Variants in ABCC5 observed in about 807,000 individuals in gnomAD.
ABCC5 encodes the protein ATP-binding cassette sub-family C member 5.
A neutral mutation model predicts 160.9 loss-of-function variants in ABCC5; 61 were observed. The observed-to-expected ratio is 0.38, with a 90% CI of 0.31 to 0.47. The LOEUF is 0.47. Ranked by LOEUF, ABCC5 falls within the 20% of genes least tolerant of loss-of-function variation. The pLI is 0.99. For missense variants in ABCC5, 1,308 were observed against 1,813.3 expected, an observed-to-expected ratio of 0.72 and a Z score of 5.06; for synonymous variants, 666 against 700.6, an observed-to-expected ratio of 0.95 and a Z score of 0.78.
intron 2 of ABCC5, among the ~76,000 whole-genome samples, chr3:183,997,175 T>C (rs1369094496): frequency 6.6e-6 from 1 of 152,142 alleles, no homozygotes; most frequent in Non-Finnish European, 1.5e-5. Context: ...TTTTTTCTTA[T>C]GGCCTTAAAG....
In ABCC5 at chr3:183,971,681, T is replaced by G. The variant is rs1189000879; in HGVS notation, c.1643A>C (p.His548Pro). Reference protein sequence around the residue: ...HQAVLAEQKGHLLLDSDERPS... With the variant: ...HQAVLAEQKGPLLLDSDERPS... ...CCGCTCGTCACTGTCCAGGAGGAGGTGGCCTTTCTGCTCTGCCAGCACCGC... is the reference window on the plus strand; with the variant it reads ...CCGCTCGTCACTGTCCAGGAGGAGGGGGCCTTTCTGCTCTGCCAGCACCGC... The change falls in exon 11 of 30, where the codon CAC (histidine) becomes CCC (proline). Residue 548 changes from histidine (H) to proline (P), a missense_variant. This residue lies in a region of ABCC5 where 1,142 missense variants were observed against 1,527.1 expected (regional missense o/e 0.75). Coordinates refer to ENST00000334444, the MANE Select transcript of ABCC5 (RefSeq NM_005688.4). 1 of 1,614,066 alleles carries G rather than the reference T, an allele frequency of 6.2e-7. No homozygotes were observed. The highest frequency in any genetic ancestry group is 8.5e-7 in the Non-Finnish European group (1 of 1,179,998).
chr3:183,950,194 A>T, intron 20 of ABCC5, 69 bp from the exon 21 acceptor site: 1 of 1,502,346 alleles, frequency 6.7e-7, no homozygotes, highest in East Asian at 2.3e-5. Flanking sequence ...TGAAAAAAAC[A>T]AAAAGGGGTT....
At chr3:183,978,271 G>C (rs1426192477) in intron 9 of ABCC5, among the ~76,000 whole-genome samples, 2 of 152,074 alleles carry the variant, frequency 1.3e-5, no homozygotes, top group African/African-American at 4.8e-5. Context: ...GGAACCTCCA[G>C]GTCCAGTAAG....
At chr3:183,969,655 G>A (rs961895469) in intron 11 of ABCC5, among the ~76,000 whole-genome samples, 3 of 144,602 alleles carry the variant, frequency 2.1e-5, no homozygotes, top group Non-Finnish European at 3.0e-5. Context: ...TCGTGCTACT[G>A]CACTCTAGCC....
intron 26 of ABCC5, among the ~76,000 whole-genome samples, chr3:183,930,083 A>G (rs1386823754): frequency 6.6e-6 from 1 of 152,252 alleles, no homozygotes; most frequent in Non-Finnish European, 1.5e-5. Context: ...TAATCTGAAA[A>G]GTATATTTGC....
At position 183,969,082 on chromosome 3, in the gene ABCC5, A is replaced by AGTC. The variant is rs1406798355; in HGVS notation, c.1762-1317_1762-1316insGAC. ...TTTACATGAGAAAAATGCTATTCTT[A>AGTC]TGATTAAATGATGACTAAATGAGAC... On this transcript the variant is annotated intron_variant, in intron 11 of 29. Coordinates refer to ENST00000334444, the MANE Select transcript of ABCC5 (RefSeq NM_005688.4). Among the ~76,000 whole-genome samples, 5 of 152,336 alleles carry AGTC rather than the reference A, an allele frequency of 3.3e-5. No individual in the cohort carries two copies. The South Asian group carries it at 8.3e-4, about 25-fold the overall frequency.
intron 28 of ABCC5, among the ~76,000 whole-genome samples, chr3:183,926,028 C>T (rs1168178449): frequency 1.8e-4 from 27 of 149,614 alleles, no homozygotes; most frequent in Non-Finnish European, 3.4e-4. Context: ...TTAGTAGAGA[C>T]GGGGTTTCAC....
chr3:183,959,843 T>C lies in ABCC5; in HGVS notation c.2380-8A>G, dbSNP rs767308861. ...TTCCTTTTTTGAATTGATCTAATAATATTTAAAAAAAAAAGTCTCCAGTCA... is the reference window on the plus strand; with the variant it reads ...TTCCTTTTTTGAATTGATCTAATAACATTTAAAAAAAAAAGTCTCCAGTCA... On this transcript the variant is annotated splice_region_variant and splice_polypyrimidine_tract_variant and intron_variant, in intron 16 of 29. Transcript: ENST00000334444. 5.1e-6 allele frequency: 8 copies of C among 1,576,500 alleles called. No homozygotes were observed. Among genetic ancestry groups the C allele is most frequent in the Admixed American group, 1.8e-5 (1 of 54,934 alleles).
At position 183,987,752 on chromosome 3, in the gene ABCC5, A is replaced by G. The variant is rs898389708; in HGVS notation, c.591+18T>C. ...GCCGGGCCCCTGGAGACTGTCGGAA[A>G]GGATGGTTAGAACTTACTGGTCCAC... On this transcript the variant is annotated intron_variant, in intron 5 of 29. Transcript: ENST00000334444. This position sits in a 1 kb window ranked among gnomAD's most constrained non-coding sequence, Gnocchi z 4.2. 8 of 1,614,182 alleles carry G rather than the reference A, an allele frequency of 5.0e-6. No homozygotes were observed. Among genetic ancestry groups the G allele is most frequent in the Admixed American group, 1.7e-5 (1 of 60,026 alleles).
At chr3:184,007,998 A>T (rs1721377507) in intron 2 of ABCC5, among the ~76,000 whole-genome samples, 1 of 152,160 alleles carries the variant, frequency 6.6e-6, no homozygotes, top group South Asian at 2.1e-4. Context: ...TCCAAATTCT[A>T]TCCATTCCTC....
intron 29 of ABCC5, among the ~76,000 whole-genome samples, chr3:183,925,226 A>G (rs1712418939): frequency 6.6e-6 from 1 of 152,246 alleles, no homozygotes; most frequent in Admixed American, 6.5e-5. Flanking sequence ...AATCACAAGT[A>G]TCTATACTCT....
At chr3:183,925,851 T>C (rs1023346308) in intron 28 of ABCC5, 132 bp from the exon 29 acceptor site, 3 of 1,073,864 alleles carry the variant, frequency 2.8e-6, no homozygotes, top group Non-Finnish European at 3.8e-6. Flanking sequence ...TTTTTTTTTT[T>C]TTTTTGAGAC....
intron 11 of ABCC5, among the ~76,000 whole-genome samples, chr3:183,968,906 G>A (rs1184454834): frequency 2.0e-5 from 3 of 152,214 alleles, no homozygotes; most frequent in African/African-American, 7.2e-5. Context: ...TGAGCACCTT[G>A]AGGAAAGGCA....
At chr3:183,927,470 AG>A in intron 27 of ABCC5, 27 bp from the exon 28 acceptor site, 1 of 1,594,844 alleles carries the variant, frequency 6.3e-7, no homozygotes, top group South Asian at 1.1e-5. Context: ...TAGAGATCAG[AG>A]GGGTAAGAAA....
intron 18 of ABCC5, 117 bp from the exon 19 acceptor site, chr3:183,952,120 A>C: frequency 1.1e-6 from 1 of 899,330 alleles, no homozygotes. Flanking sequence ...CCACCCTGGG[A>C]CCTGGTCATG....
chr3:183,962,736 G>A (rs1027216989), intron 15 of ABCC5, among the ~76,000 whole-genome samples: 2 of 151,782 alleles, frequency 1.3e-5, no homozygotes, highest in Non-Finnish European at 2.9e-5. Context: ...TTCACCAGTT[G>A]GTCTCGAACT....
rs1053252714 is a variant in ABCC5 at position 183,921,603 on chromosome 3, G to A, written c.4213-202C>T. On this transcript the variant is annotated intron_variant, in intron 29 of 29. Coordinates refer to ENST00000334444, the MANE Select transcript of ABCC5 (RefSeq NM_005688.4). The surrounding 1 kb of genome is among the most constrained non-coding windows in gnomAD (Gnocchi z 4.1). ...GAAAGGACAGAGAAAATGACTTCCAGCATTTTTGTAGTATGTGGTTTTGCC... is the reference window on the plus strand; with the variant it reads ...GAAAGGACAGAGAAAATGACTTCCAACATTTTTGTAGTATGTGGTTTTGCC... 1.3e-5 allele frequency among the ~76,000 whole-genome samples: 2 copies of A among 151,164 alleles called. No individual in the cohort carries two copies. Among genetic ancestry groups the A allele is most frequent in the African/African-American group, 4.9e-5 (2 of 41,066 alleles).
At chr3:184,005,394 T>C (rs1721097608) in intron 2 of ABCC5, among the ~76,000 whole-genome samples, 1 of 152,122 alleles carries the variant, frequency 6.6e-6, no homozygotes, top group Non-Finnish European at 1.5e-5. Flanking sequence ...TTAAAACATA[T>C]ATAACATCTA....
At chr3:183,932,532 C>T (rs1560470379) in intron 26 of ABCC5, among the ~76,000 whole-genome samples, 1 of 152,198 alleles carries the variant, frequency 6.6e-6, no homozygotes, top group Non-Finnish European at 1.5e-5. Flanking sequence ...ACACACGCTT[C>T]AGGAGGCAAT....
Sources: allele counts gnomAD v4.1 joint callset (sites outside exome capture counted in the v4.1 genomes callset), GRCh38; gene constraint gnomAD v4.1.1; regional missense constraint gnomAD v4.1.1; non-coding constraint Gnocchi (gnomAD v3.1); transcripts MANE v1.5; gene names NCBI Gene and HGNC (gene_info 2026-07-23, HGNC 2026-07-21).